Variants in PRKN observed in about 807,000 individuals in gnomAD.
PRKN encodes E3 ubiquitin-protein ligase parkin.
A neutral mutation model predicts 59.5 loss-of-function variants in PRKN; 56 were observed. The ratio of observed to expected loss-of-function variants is 0.94; its 90% confidence interval spans 0.76 to 1.18. The LOEUF is 1.18. Among genes scored for constraint, PRKN ranks in the 50% most tolerant of loss-of-function variants. The pLI is 0.00. For synonymous variants in PRKN, 250 were observed against 222.1 expected (o/e 1.13, Z -1.12); for missense variants, 657 against 596.4 (o/e 1.10, Z -1.06).
chr6:162,366,088 A>G (rs1006283139), intron 2 of PRKN, among the ~76,000 whole-genome samples: 3 of 152,204 alleles, frequency 2.0e-5, no homozygotes, highest in African/African-American at 7.2e-5. Context: ...GGCAATTTAT[A>G]TTGTCACCAA....
chr6:162,056,294 G>A lies in PRKN; in HGVS notation c.535-2120C>T, dbSNP rs1328119712. 6.7e-6 allele frequency among the ~76,000 whole-genome samples: 1 copy of A among 149,582 alleles called. No homozygotes were observed. ...ATGCACACCAAGACACACCACACAT[G>A]CATAAACACACCACGCACACACGCA... On this transcript the variant is annotated intron_variant, in intron 4 of 11. Transcript: ENST00000366898. The surrounding 1 kb of genome is among the most constrained non-coding windows in gnomAD (Gnocchi z 4.9).
chr6:161,608,602 G>A (rs1782373358), intron 7 of PRKN, among the ~76,000 whole-genome samples: 2 of 151,702 alleles, frequency 1.3e-5, no homozygotes, highest in South Asian at 4.2e-4. Context: ...GCGTGATCTT[G>A]GCTCACTGCA....
At chr6:162,666,808 A>G (rs1296698576) in intron 1 of PRKN, among the ~76,000 whole-genome samples, 1 of 152,054 alleles carries the variant, frequency 6.6e-6, no homozygotes, top group African/African-American at 2.4e-5. Context: ...CTTGGTATCT[A>G]TAACCTGCAT....
intron 7 of PRKN, chr6:161,783,738 T>A (rs1480617029): frequency 2.1e-6 from 1 of 472,570 alleles, no homozygotes; most frequent in Non-Finnish European, 4.1e-6. Flanking sequence ...AATCTGTAAA[T>A]AATAAACTTC....
At chr6:161,893,741 C>T (rs1777502118) in intron 6 of PRKN, among the ~76,000 whole-genome samples, 2 of 152,182 alleles carry the variant, frequency 1.3e-5, no homozygotes, top group South Asian at 4.1e-4. Context: ...TGATCCCATC[C>T]AGTCCCAGCC....
At chr6:161,687,734 G>A (rs6918361) in intron 7 of PRKN, among the ~76,000 whole-genome samples, 1,675 of 152,060 alleles carry the variant, frequency 0.011, 28 homozygotes, top group African/African-American at 0.039. Flanking sequence ...GGGATTACAG[G>A]TTTGAGCCAC....
intron 1 of PRKN, among the ~76,000 whole-genome samples, chr6:162,482,960 C>G (rs1302461676): frequency 1.3e-5 from 2 of 152,160 alleles, no homozygotes; most frequent in Non-Finnish European, 2.9e-5. Flanking sequence ...CTATTTGTTA[C>G]AGCCCAACTT....
chr6:161,942,463 G>T (rs566237884), intron 6 of PRKN, among the ~76,000 whole-genome samples: 1 of 152,088 alleles, frequency 6.6e-6, no homozygotes, highest in Non-Finnish European at 1.5e-5. Flanking sequence ...CCCAGGAGGC[G>T]GAGGTTGCAG....
At chr6:161,774,947 A>G (rs74724005) in intron 7 of PRKN, among the ~76,000 whole-genome samples, 6,579 of 152,270 alleles carry the variant, frequency 0.043, 470 homozygotes, top group African/African-American at 0.15. Context: ...AACTTGGACT[A>G]CAAGCACATC....
intron 2 of PRKN, among the ~76,000 whole-genome samples, chr6:162,415,332 T>A (rs747594734): frequency 3.3e-5 from 5 of 152,124 alleles, no homozygotes; most frequent in Admixed American, 2.6e-4. Context: ...AATGCAGCAA[T>A]TGTGTGGAGG....
chr6:161,771,294 T>C (rs1789665995), intron 7 of PRKN, among the ~76,000 whole-genome samples: 1 of 145,966 alleles, frequency 6.9e-6, no homozygotes, highest in Non-Finnish European at 1.5e-5. Context: ...AGGCAGAGCT[T>C]GCAGTGAGCC....
At chr6:161,976,986 A>T (rs1284873072) in intron 5 of PRKN, among the ~76,000 whole-genome samples, 1 of 152,242 alleles carries the variant, frequency 6.6e-6, no homozygotes, top group East Asian at 1.9e-4. Context: ...TAGTTGAAAA[A>T]TTCTAGTAAC....
At chr6:162,036,701 G>A (rs67460610) in intron 5 of PRKN, among the ~76,000 whole-genome samples, 27,021 of 151,900 alleles carry the variant, frequency 0.18, 3,367 homozygotes, top group African/African-American at 0.35. Context: ...ATTTTGAAAC[G>A]CCTTAAAAAG....
intron 5 of PRKN, among the ~76,000 whole-genome samples, chr6:162,053,831 T>A (rs1249538299): frequency 6.6e-6 from 1 of 152,154 alleles, no homozygotes; most frequent in African/African-American, 2.4e-5. Context: ...TGGATATAAC[T>A]TTGCAATGAG....
At position 162,486,836 on chromosome 6, in the gene PRKN, G is replaced by A. The variant is rs144332838; in HGVS notation, c.8-43363C>T. 5.1e-3 allele frequency among the ~76,000 whole-genome samples: 772 copies of A among 152,196 alleles called. 7 individuals are homozygous for A. Among genetic ancestry groups the A allele is most frequent in the African/African-American group, 0.018 (736 of 41,542 alleles). On this transcript the variant is annotated intron_variant, in intron 1 of 11. Transcript: ENST00000366898. ...TGTAATACCAGCATATTGGGAGGCC[G>A]AGGTGGGTGGATCACCTGAGGTCAG... is the stretch of plus-strand genomic sequence containing the variant.
intron 2 of PRKN, among the ~76,000 whole-genome samples, chr6:162,340,147 T>A (rs200785662): frequency 2.1e-5 from 3 of 144,536 alleles, no homozygotes; most frequent in Admixed American, 6.9e-5. Context: ...AAAAATAAAT[T>A]AAAAAAAAAA....
chr6:162,371,148 T>G (rs988831331), intron 2 of PRKN, among the ~76,000 whole-genome samples: 1 of 152,202 alleles, frequency 6.6e-6, no homozygotes. Context: ...GTTCAACATT[T>G]GCTCCCAGGA....
chr6:162,145,377 C>A (rs976961494), intron 4 of PRKN, among the ~76,000 whole-genome samples: 1 of 152,128 alleles, frequency 6.6e-6, no homozygotes, highest in African/African-American at 2.4e-5. Flanking sequence ...GGAAATTGTT[C>A]TTTTCCTGTA....
intron 9 of PRKN, among the ~76,000 whole-genome samples, chr6:161,509,011 A>C (rs1326572571): frequency 6.6e-6 from 1 of 151,840 alleles, no homozygotes; most frequent in Non-Finnish European, 1.5e-5. Flanking sequence ...TGCCCAGCTA[A>C]TTTTGTATTT....
Sources: allele counts gnomAD v4.1 joint callset (sites outside exome capture counted in the v4.1 genomes callset), GRCh38; gene constraint gnomAD v4.1.1; non-coding constraint Gnocchi (gnomAD v3.1); transcripts MANE v1.5; gene names NCBI Gene and HGNC (gene_info 2026-07-23, HGNC 2026-07-21).